SCN8A: variants seen among roughly 807,000 people sequenced by gnomAD.
The protein encoded by SCN8A is sodium voltage-gated channel alpha subunit 8.
In SCN8A, 30 loss-of-function variants were observed where a neutral mutation model predicts 184.1. The observed-to-expected ratio is 0.16, with a 90% CI of 0.12 to 0.22. The LOEUF is 0.22. Ranked by LOEUF, SCN8A falls within the 10% of genes least tolerant of loss-of-function variation. The pLI is 1.00. For missense variants in SCN8A, 1,057 were observed against 2,498.9 expected, an observed-to-expected ratio of 0.42 and a Z score of 12.30; for synonymous variants, 852 against 907.0, an observed-to-expected ratio of 0.94 and a Z score of 1.09.
chr12:51,613,521 T>C (rs1023001292), intron 1 of SCN8A, among the ~76,000 whole-genome samples: 2 of 152,128 alleles, frequency 1.3e-5, no homozygotes, highest in African/African-American at 4.8e-5. Flanking sequence ...TAGAGGCTTA[T>C]TAATGTTATT....
At chr12:51,641,363 T>A (rs1179829783) in intron 1 of SCN8A, among the ~76,000 whole-genome samples, 1 of 152,186 alleles carries the variant, frequency 6.6e-6, no homozygotes, top group Non-Finnish European at 1.5e-5. Context: ...GACTGTATAT[T>A]CTTATCTTAC....
chr12:51,785,845 A>G (rs974676842), intron 21 of SCN8A, among the ~76,000 whole-genome samples: 8 of 152,192 alleles, frequency 5.3e-5, no homozygotes, highest in African/African-American at 1.9e-4. Flanking sequence ...AGACGACAGC[A>G]TTAGCCAAGC....
chr12:51,657,917 A>G (rs1940854295), intron 1 of SCN8A, among the ~76,000 whole-genome samples: 1 of 152,106 alleles, frequency 6.6e-6, no homozygotes, highest in African/African-American at 2.4e-5. Flanking sequence ...GTCAAAATTC[A>G]GTTGGCTATT....
At chr12:51,645,919 C>T (rs1422340121) in intron 1 of SCN8A, among the ~76,000 whole-genome samples, 3 of 145,540 alleles carry the variant, frequency 2.1e-5, no homozygotes, top group African/African-American at 7.7e-5. Flanking sequence ...GCCAAATCCC[C>T]CTCTGCGAGA....
intron 1 of SCN8A, among the ~76,000 whole-genome samples, chr12:51,623,166 T>C (rs1300851728): frequency 6.6e-6 from 1 of 152,190 alleles, no homozygotes; most frequent in Non-Finnish European, 1.5e-5. Flanking sequence ...CTAGTTCTTT[T>C]TATTGGAGAA....
At chr12:51,720,783 T>C (rs974113130) in intron 11 of SCN8A, among the ~76,000 whole-genome samples, 4 of 152,048 alleles carry the variant, frequency 2.6e-5, no homozygotes, top group African/African-American at 9.7e-5. Context: ...TCTGTCTTTT[T>C]GGCCAGGAGC....
chr12:51,733,033 G>T (rs539737701), intron 12 of SCN8A, among the ~76,000 whole-genome samples: 2 of 152,174 alleles, frequency 1.3e-5, no homozygotes, highest in South Asian at 4.2e-4. Flanking sequence ...TTTCCGATTT[G>T]TGTGCCCTTT....
At chr12:51,803,894 G>A (rs184723663) in intron 26 of SCN8A, among the ~76,000 whole-genome samples, 1 of 152,290 alleles carries the variant, frequency 6.6e-6, no homozygotes, top group East Asian at 1.9e-4. Context: ...ACCGCATCTT[G>A]TCTTTTCCTG....
intron 10 of SCN8A, 74 bp downstream of exon 10, chr12:51,705,697 C>A: frequency 7.5e-7 from 1 of 1,324,998 alleles, no homozygotes; most frequent in Admixed American, 2.2e-5. Context: ...ATTTTCACTG[C>A]AGTTGATCTT....
chr12:51,653,840 T>C (rs1433576540), intron 1 of SCN8A, among the ~76,000 whole-genome samples: 4 of 152,204 alleles, frequency 2.6e-5, no homozygotes, highest in Non-Finnish European at 5.9e-5. Flanking sequence ...TTATTTTCTG[T>C]GTGTATGTGT....
intron 6 of SCN8A, among the ~76,000 whole-genome samples, chr12:51,698,756 C>T (rs1288265199): frequency 6.6e-6 from 1 of 152,120 alleles, no homozygotes; most frequent in East Asian, 1.9e-4. Context: ...GTATGTGATA[C>T]AGAAGAAGTA....
intron 20 of SCN8A, among the ~76,000 whole-genome samples, chr12:51,777,019 G>A (rs1937725054): frequency 6.6e-6 from 1 of 152,166 alleles, no homozygotes; most frequent in Admixed American, 6.5e-5. Context: ...TGGAGATTGT[G>A]TCCTGTAAAA....
At chr12:51,640,046 G>A (rs1400430970) in intron 1 of SCN8A, among the ~76,000 whole-genome samples, 2 of 146,734 alleles carry the variant, frequency 1.4e-5, no homozygotes, top group African/African-American at 5.0e-5. Flanking sequence ...TGGGACTATG[G>A]GTGTGCACCA....
intron 12 of SCN8A, among the ~76,000 whole-genome samples, chr12:51,735,482 T>C (rs575451988): frequency 2.6e-5 from 4 of 152,306 alleles, no homozygotes; most frequent in East Asian, 1.9e-4. Context: ...TCAGAAAGCA[T>C]GTGTAACTGT....
chr12:51,739,056 T>C (rs1942375901), intron 12 of SCN8A, among the ~76,000 whole-genome samples: 1 of 152,168 alleles, frequency 6.6e-6, no homozygotes, highest in Non-Finnish European at 1.5e-5. Flanking sequence ...ACTAGTCCAG[T>C]GTTTTCCTTT....
chr12:51,703,424 G>T (rs190633602), intron 9 of SCN8A, among the ~76,000 whole-genome samples: 1 of 152,132 alleles, frequency 6.6e-6, no homozygotes, highest in South Asian at 2.1e-4. Context: ...AATTACAGGC[G>T]TGAGCCACCA....
chr12:51,627,707 T>C (rs1335182226), intron 1 of SCN8A, among the ~76,000 whole-genome samples: 4 of 152,224 alleles, frequency 2.6e-5, no homozygotes, highest in Non-Finnish European at 5.9e-5. Flanking sequence ...TTCTGACATT[T>C]ACTACAAGAA....
rs1426886136 is a variant in SCN8A at position 51,774,109 on chromosome 12, G to A, written c.3646-80G>A. On this transcript the variant is annotated intron_variant, in intron 19 of 26. Coordinates refer to ENST00000627620, the MANE Select transcript of SCN8A (RefSeq NM_001330260.2). ...GATGACAGGCCAGCCCATGTGGGAC[G>A]GCTCCCTGAGGATAGCAGTGCTCCC... 6.8e-6 allele frequency: 9 copies of A among 1,329,076 alleles called. No homozygotes were observed. In the African/African-American group the frequency reaches 7.2e-5, roughly 11 times the overall value. 82.3% of individuals were successfully genotyped at this position (1,329,076 alleles called of 1,614,324 possible). A position where few individuals can be genotyped will look rare whatever the true frequency, so the allele number is the denominator to read the frequency against.
rs754242453 is a variant in SCN8A, at chr12:51,810,265, T to A, written c.*2836T>A. 18 of 236,946 alleles carry A rather than the reference T, an allele frequency of 7.6e-5. No individual in the cohort carries two copies. Among genetic ancestry groups the A allele is most frequent in the African/African-American group, 2.6e-4 (11 of 42,442 alleles). 14.7% of individuals were successfully genotyped at this position (236,946 alleles called of 1,614,324 possible). On this transcript the variant is annotated 3_prime_UTR_variant, in exon 27 of 27. Coordinates refer to ENST00000627620, the MANE Select transcript of SCN8A (RefSeq NM_001330260.2). Reference sequence around the variant, plus strand: ...GAAGTTTCACTTTTTAAAAAAAAAATGTTTCCCACCTTTTTATCCTTCACC... The same window carrying A: ...GAAGTTTCACTTTTTAAAAAAAAAAAGTTTCCCACCTTTTTATCCTTCACC...
Sources: allele counts gnomAD v4.1 joint callset (sites outside exome capture counted in the v4.1 genomes callset), GRCh38; gene constraint gnomAD v4.1.1; transcripts MANE v1.5; gene names NCBI Gene and HGNC (gene_info 2026-07-23, HGNC 2026-07-21).